The following PTRH2 variants were observed in gnomAD, a reference collection of about 807,000 sequenced individuals.
The protein encoded by PTRH2 is peptidyl-tRNA hydrolase 2, mitochondrial.
In PTRH2, 10 loss-of-function variants were observed where a neutral mutation model predicts 12.3. The ratio of observed to expected loss-of-function variants is 0.81; its 90% CI spans 0.50 to 1.38. The LOEUF is 1.38. Among genes scored for constraint, PTRH2 ranks in the 40% most tolerant of loss-of-function variants. The pLI is 0.00. For synonymous variants in PTRH2, 73 were observed against 77.4 expected (o/e 0.94, Z 0.30); for missense variants, 176 against 214.1 (o/e 0.82, Z 1.11).
chr17:59,700,398 A>G (rs753354675), intron 1 of PTRH2: 4 of 152,198 alleles, frequency 2.6e-5, no homozygotes, highest in Non-Finnish European at 4.4e-5. Context: ...ACATGGGGCC[A>G]CTATATTTGT....
At chr17:59,705,753 T>A (rs2143654484) in intron 1 of PTRH2, among the ~76,000 whole-genome samples, 1 of 152,128 alleles carries the variant, frequency 6.6e-6, no homozygotes, top group African/African-American at 2.4e-5. Flanking sequence ...TTACAAAAAA[T>A]TTAAATAATT....
rs760336557 is a variant in PTRH2 at position 59,697,657 on chromosome 17, A to ATTGT, written c.318_321dup (p.Trp108ThrfsTer16). On this transcript the variant is annotated frameshift_variant, in exon 2 of 2. Transcript: ENST00000393038. LOFTEE classifies it high-confidence loss of function. The stretch of plus-strand genomic sequence containing the variant: ...ACCTTGGGCTGGCCACAGTATTCCC[A>ATTGT]TTGTTTGAGCATTTCAGGATTTCTT... 17 of 1,614,166 alleles carry ATTGT rather than the reference A, an allele frequency of 1.1e-5. No homozygotes were observed. Among genetic ancestry groups the ATTGT allele is most frequent in the Non-Finnish European group, 1.4e-5 (17 of 1,180,032 alleles).
chr17:59,698,892 G>A (rs542680855), intron 1 of PTRH2: 118 of 716,448 alleles, frequency 1.6e-4, no homozygotes, highest in Non-Finnish European at 2.9e-4. Flanking sequence ...ACAGCTGAAA[G>A]CACAGTGGTC....
intron 1 of PTRH2, chr17:59,701,092 C>T (rs1416914507): frequency 6.6e-6 from 1 of 152,106 alleles, no homozygotes; most frequent in Non-Finnish European, 1.5e-5. Flanking sequence ...GACATACAAA[C>T]TAACCTCCAT....
At chr17:59,702,862 C>A (rs7225024) in intron 1 of PTRH2, among the ~76,000 whole-genome samples, 105,835 of 152,026 alleles carry the variant, frequency 0.7, 37,443 homozygotes, top group South Asian at 0.85. Context: ...CAGTATTCAA[C>A]GAATTACATG....
chr17:59,705,344 A>T (rs1420007527), intron 1 of PTRH2, among the ~76,000 whole-genome samples: 1 of 152,250 alleles, frequency 6.6e-6, no homozygotes, highest in Non-Finnish European at 1.5e-5. Flanking sequence ...GTTGCTATGA[A>T]CACATAAAAA....
At chr17:59,704,768 CT>C (rs2143651173) in intron 1 of PTRH2, among the ~76,000 whole-genome samples, 1 of 152,182 alleles carries the variant, frequency 6.6e-6, no homozygotes, top group South Asian at 2.1e-4. Context: ...CCCCCACCCC[CT>C]AAAAGAGACA....
chr17:59,707,113 G>A (rs1353472824), intron 1 of PTRH2: 2 of 152,168 alleles, frequency 1.3e-5, no homozygotes, highest in East Asian at 3.9e-4. Flanking sequence ...AGAGCGCATC[G>A]ATACTGCCTG....
At chr17:59,705,411 T>C (rs1052962261) in intron 1 of PTRH2, among the ~76,000 whole-genome samples, 10 of 151,966 alleles carry the variant, frequency 6.6e-5, no homozygotes, top group Middle Eastern at 3.4e-3. Flanking sequence ...AACAGAGAAG[T>C]TGCCTTTTTC....
chr17:59,698,456 T>C (rs2033491463), intron 1 of PTRH2: 1 of 215,626 alleles, frequency 4.6e-6, no homozygotes, highest in South Asian at 7.8e-5. Context: ...ACTACTGAAA[T>C]TTACTAAGCC....
At chr17:59,703,609 A>C in intron 1 of PTRH2, among the ~76,000 whole-genome samples, 1 of 150,650 alleles carries the variant, frequency 6.6e-6, no homozygotes. Context: ...GGTTCAAGTG[A>C]TTCTCCTGCC....
intron 1 of PTRH2, chr17:59,699,713 T>C (rs143799156): frequency 6.5e-6 from 1 of 153,138 alleles, no homozygotes; most frequent in African/African-American, 2.4e-5. Flanking sequence ...CATCACTGAT[T>C]TGCTTCTTAT....
intron 1 of PTRH2, among the ~76,000 whole-genome samples, chr17:59,702,068 T>C (rs550315826): frequency 1.1e-4 from 17 of 152,014 alleles, no homozygotes; most frequent in Admixed American, 5.2e-4. Flanking sequence ...TTTGATCCAC[T>C]GAGAAGTGAG....
intron 1 of PTRH2, among the ~76,000 whole-genome samples, chr17:59,703,506 G>A (rs2033590155): frequency 6.6e-6 from 1 of 152,084 alleles, no homozygotes; most frequent in Admixed American, 6.6e-5. Context: ...CAGAGCCCTT[G>A]TTCTTTTTTC....
intron 1 of PTRH2, among the ~76,000 whole-genome samples, chr17:59,702,504 C>T (rs1045338194): frequency 1.3e-5 from 2 of 152,258 alleles, no homozygotes; most frequent in Non-Finnish European, 2.9e-5. Context: ...AGTTGCCCAC[C>T]ACTCACCTCC....
intron 1 of PTRH2, among the ~76,000 whole-genome samples, chr17:59,706,103 A>T (rs1263565345): frequency 1.3e-5 from 2 of 152,178 alleles, no homozygotes; most frequent in African/African-American, 2.4e-5. Context: ...ACTCCTCTAA[A>T]ACAACATGTC....
chr17:59,700,526 G>A (rs568354665), intron 1 of PTRH2: 84 of 152,250 alleles, frequency 5.5e-4, no homozygotes, highest in African/African-American at 1.9e-3. Flanking sequence ...CTTCTTTAAA[G>A]TTAGGGCATT....
intron 1 of PTRH2, among the ~76,000 whole-genome samples, chr17:59,703,890 C>T (rs142451473): frequency 2.1e-4 from 32 of 151,614 alleles, no homozygotes; most frequent in African/African-American, 6.3e-4. Context: ...TCACTGCAAC[C>T]TCCACCTCTG....
intron 1 of PTRH2, among the ~76,000 whole-genome samples, chr17:59,705,565 G>A (rs117309364): frequency 0.024 from 3,598 of 152,070 alleles, 60 homozygotes; most frequent in Non-Finnish European, 0.037. Context: ...GACTACAGGT[G>A]CATGCCACCA....
Sources: gnomAD v4.1 joint callset for allele counts (sites outside exome capture counted in the v4.1 genomes callset) on GRCh38, gnomAD v4.1.1 for gene constraint, MANE v1.5 for transcripts, NCBI Gene and HGNC (gene_info 2026-07-23, HGNC 2026-07-21) for gene names.